Variants in GRIP1 observed in about 807,000 individuals in gnomAD.
GRIP1 encodes the protein glutamate receptor interacting protein 1, also known as glutamate receptor-interacting protein 1.
In GRIP1, 45 loss-of-function variants were observed where a neutral mutation model predicts 129.9. The observed-to-expected ratio is 0.35, with a 90% CI of 0.27 to 0.44. The LOEUF is 0.44. GRIP1 is among the 20% of genes least tolerant of loss of function. The pLI, the probability that GRIP1 is intolerant of heterozygous loss-of-function variation, is 1.00. For synonymous variants in GRIP1, 530 were observed against 520.8 expected (o/e 1.02, Z -0.24); for missense variants, 1,196 against 1,396.8 (o/e 0.86, Z 2.29).
At chr12:66,472,116 G>A (rs936845647) in intron 7 of GRIP1, among the ~76,000 whole-genome samples, 5 of 152,216 alleles carry the variant, frequency 3.3e-5, no homozygotes, top group Non-Finnish European at 5.9e-5. Flanking sequence ...GTACTATCAG[G>A]AGGCTGGGGA....
intron 1 of GRIP1, among the ~76,000 whole-genome samples, chr12:66,794,169 T>C (rs751156682): frequency 4.6e-5 from 7 of 152,208 alleles, no homozygotes; most frequent in Non-Finnish European, 8.8e-5. Flanking sequence ...ATCGGAATCA[T>C]TGATATGGCA....
chr12:66,454,661 C>T (rs1383264693), intron 11 of GRIP1, among the ~76,000 whole-genome samples: 6 of 152,176 alleles, frequency 3.9e-5, no homozygotes, highest in Non-Finnish European at 7.3e-5. Flanking sequence ...ACTATATCTT[C>T]CTAGTTTTGC....
intron 1 of GRIP1, among the ~76,000 whole-genome samples, chr12:66,829,837 G>A (rs963344086): frequency 6.6e-6 from 1 of 152,114 alleles, no homozygotes; most frequent in Non-Finnish European, 1.5e-5. Flanking sequence ...GGTTAGGAAA[G>A]GAAACTAAGA....
At position 66,661,358 on chromosome 12, in the gene GRIP1, T is replaced by C. The variant is rs2033489897; in HGVS notation, c.55+17492A>G. ...GGAGCACTGAAACAATCAAAATCCC[T>C]AGGAGTTAATTTCTCAAAAGAGGAA... On this transcript the variant is annotated intron_variant, in intron 1 of 24. Transcript: ENST00000359742. Among the ~76,000 whole-genome samples the C allele has an allele frequency of 2.7e-5, 4 of 150,696 alleles. No homozygotes were observed. In the Admixed American group the frequency reaches 2.7e-4, roughly 10 times the overall value.
chr12:66,943,329 A>T (rs1393798796), intron 1 of GRIP1, among the ~76,000 whole-genome samples: 3 of 152,210 alleles, frequency 2.0e-5, no homozygotes, highest in Non-Finnish European at 2.9e-5. Flanking sequence ...CCAGGAACAA[A>T]TGCCCACTTG....
chr12:66,760,314 C>A (rs1055723024), intron 1 of GRIP1, among the ~76,000 whole-genome samples: 5 of 152,080 alleles, frequency 3.3e-5, no homozygotes, highest in African/African-American at 1.2e-4. Context: ...TTTTCAGCAA[C>A]CCCCTACTCC....
chr12:66,669,213 G>T (rs1053352907), intron 1 of GRIP1, among the ~76,000 whole-genome samples: 1 of 151,996 alleles, frequency 6.6e-6, no homozygotes, highest in Admixed American at 6.6e-5. Context: ...AGGAGTTTGA[G>T]ACCAGCCGGG....
intron 1 of GRIP1, among the ~76,000 whole-genome samples, chr12:66,967,199 T>G (rs936486868): frequency 3.3e-5 from 5 of 152,180 alleles, no homozygotes; most frequent in African/African-American, 9.6e-5. Context: ...TGACAAATAA[T>G]AACTGTACAC....
intron 7 of GRIP1, among the ~76,000 whole-genome samples, chr12:66,491,228 G>C (rs1694108830): frequency 6.6e-6 from 1 of 152,176 alleles, no homozygotes; most frequent in Non-Finnish European, 1.5e-5. Context: ...GCTCATCAAT[G>C]ATAGACTGGA....
At chr12:66,515,098 G>A (rs773597413) in intron 7 of GRIP1, among the ~76,000 whole-genome samples, 1 of 151,992 alleles carries the variant, frequency 6.6e-6, no homozygotes, top group Non-Finnish European at 1.5e-5. Flanking sequence ...AAAGAAAACT[G>A]CACTCAAGTT....
chr12:66,799,393 A>G (rs1018741173), intron 1 of GRIP1, among the ~76,000 whole-genome samples: 16 of 152,126 alleles, frequency 1.1e-4, no homozygotes, highest in African/African-American at 3.6e-4. Context: ...GGATTTTTTG[A>G]GTTAAACTAA....
At chr12:66,815,820 A>ATTTCTTTCTTTCTTTCTTTC (rs1002005391) in intron 1 of GRIP1, among the ~76,000 whole-genome samples, 1,424 of 118,352 alleles carry the variant, frequency 0.012, 67 homozygotes, top group African/African-American at 0.045. Flanking sequence ...AAGATGAAAG[A>ATTTCTTTCTTTCTTTCTTTC]TTTCTTTCTT....
At chr12:66,896,480 G>GAAGAAAAAAAAAAAA (rs1555249918) in intron 1 of GRIP1, among the ~76,000 whole-genome samples, 2 of 107,840 alleles carry the variant, frequency 1.9e-5, no homozygotes, top group African/African-American at 5.9e-5. Context: ...TGAGGAATTT[G>GAAGAAAAAAAAAAAA]AAAAAAAAAA....
intron 1 of GRIP1, among the ~76,000 whole-genome samples, chr12:66,855,285 GA>G (rs35962241): frequency 6.6e-6 from 1 of 151,644 alleles, no homozygotes; most frequent in East Asian, 1.9e-4. Context: ...AAGTTGGTTA[GA>G]AAAAAAATAG....
intron 5 of GRIP1, among the ~76,000 whole-genome samples, chr12:66,528,826 C>T (rs7971370): frequency 0.17 from 26,106 of 151,876 alleles, 2,682 homozygotes; most frequent in African/African-American, 0.3. Context: ...TTCAATGTTG[C>T]GTTTATTTAA....
intron 1 of GRIP1, among the ~76,000 whole-genome samples, chr12:66,905,199 T>C (rs956820405): frequency 2.0e-5 from 3 of 152,218 alleles, no homozygotes; most frequent in African/African-American, 7.2e-5. Context: ...CTAGTTCAAA[T>C]TGCCCCATCC....
intron 1 of GRIP1, among the ~76,000 whole-genome samples, chr12:66,998,508 T>C (rs1476746581): frequency 1.3e-5 from 2 of 152,158 alleles, no homozygotes; most frequent in Non-Finnish European, 2.9e-5. Context: ...AAATGGGCAC[T>C]AAGAATTGCC....
intron 2 of GRIP1, among the ~76,000 whole-genome samples, chr12:66,565,125 T>A (rs368332667): frequency 1.2e-4 from 18 of 151,094 alleles, no homozygotes; most frequent in South Asian, 2.1e-4. Context: ...CTCTTTAGTT[T>A]AATTAGATCC....
At chr12:66,709,741 T>C (rs1294486774) in intron 1 of GRIP1, among the ~76,000 whole-genome samples, 1 of 151,952 alleles carries the variant, frequency 6.6e-6, no homozygotes, top group East Asian at 1.9e-4. Flanking sequence ...TAAATGTCAG[T>C]ACTCACCTAA....
Sources: gnomAD v4.1 joint callset for allele counts (sites outside exome capture counted in the v4.1 genomes callset) on GRCh38, gnomAD v4.1.1 for gene constraint, MANE v1.5 for transcripts, NCBI Gene and HGNC (gene_info 2026-07-23, HGNC 2026-07-21) for gene names.